Variants in RASA1 observed in about 807,000 individuals in gnomAD.
RASA1 encodes the protein RAS p21 protein activator 1, also known as ras GTPase-activating protein 1.
A neutral mutation model predicts 132.2 loss-of-function variants in RASA1; 25 were observed. The ratio of observed to expected loss-of-function variants is 0.19; its 90% CI spans 0.14 to 0.26. The LOEUF is 0.26. RASA1 is among the 10% of genes least tolerant of loss of function. The probability of loss-of-function intolerance (pLI) is 1.00; values close to 1 mark genes in which losing one functional copy is unlikely to be tolerated. For missense variants in RASA1, 964 were observed against 1,299.2 expected (o/e 0.74, Z 3.97); for synonymous variants, 477 against 449.9 (o/e 1.06, Z -0.76).
At position 87,372,158 on chromosome 5, in the gene RASA1, A is replaced by C. The variant is rs758628064; in HGVS notation, c.1739A>C (p.Lys580Thr). ...KGLQAFCNLRKSSPGTSNKRL... is the reference protein window; with the variant it reads ...KGLQAFCNLRTSSPGTSNKRL... ...CTGCAGGCATTTTGCAATTTACGGA[A>C]AAGTAGTCCAGGGACATCCAATAAA... The change falls in exon 13 of 25, where the codon AAA becomes ACA. Residue 580 changes from lysine to threonine, a missense_variant. Around this residue, in one of 6 missense-constraint regions of RASA1, gnomAD observed 346 missense variants for 520.1 expected, o/e 0.67. Coordinates refer to ENST00000274376, the MANE Select transcript of RASA1 (RefSeq NM_002890.3). 6.2e-7 allele frequency: 1 copy of C among 1,613,730 alleles called. No homozygotes were observed. Among genetic ancestry groups the C allele is most frequent in the Non-Finnish European group, 8.5e-7 (1 of 1,179,784 alleles).
At chr5:87,316,684 C>A (rs1459611514) in intron 1 of RASA1, among the ~76,000 whole-genome samples, 1 of 152,134 alleles carries the variant, frequency 6.6e-6, no homozygotes, top group Non-Finnish European at 1.5e-5. Context: ...CCTCAGCATC[C>A]CTGTTTTGGG....
intron 9 of RASA1, among the ~76,000 whole-genome samples, chr5:87,361,067 T>C (rs563465417): frequency 6.6e-6 from 1 of 152,296 alleles, no homozygotes; most frequent in Admixed American, 6.5e-5. Context: ...AGATTATTTA[T>C]TTCAGTTATA....
chr5:87,296,153 G>C (rs1471371704), intron 1 of RASA1, among the ~76,000 whole-genome samples: 1 of 150,348 alleles, frequency 6.7e-6, no homozygotes, highest in African/African-American at 2.4e-5. Context: ...TTAAGTGTTT[G>C]CCCTGGAGCT....
Position 87,268,319 on chromosome 5 carries a change from C to A in RASA1, c.-133C>A, listed in dbSNP as rs948330325. The A allele has an allele frequency of 1.8e-6, 2 of 1,129,848 alleles. No individual in the cohort carries two copies. Among genetic ancestry groups the A allele is most frequent in the Non-Finnish European group, 1.2e-6 (1 of 826,662 alleles). 70.0% of individuals were successfully genotyped at this position (1,129,848 alleles called of 1,614,324 possible). On this transcript the variant is annotated 5_prime_UTR_variant, in exon 1 of 25. Transcript: ENST00000274376. ...AGGGGGCGCGGCGGCGGGCTCTCTC[C>A]TTTTGTTGTTGTTTCCTCAGCCTGG...
At chr5:87,378,761 A>T (rs1761500231) in intron 18 of RASA1, among the ~76,000 whole-genome samples, 1 of 152,196 alleles carries the variant, frequency 6.6e-6, no homozygotes, top group South Asian at 2.1e-4. Flanking sequence ...GTTGCACCAG[A>T]AATTCATGAA....
intron 1 of RASA1, among the ~76,000 whole-genome samples, chr5:87,271,894 C>T (rs1163218176): frequency 2.0e-5 from 3 of 151,816 alleles, no homozygotes; most frequent in Admixed American, 6.6e-5. Flanking sequence ...TGCTTCACGC[C>T]TCTAATCCCA....
chr5:87,334,999 C>T (rs1034432364), intron 4 of RASA1, among the ~76,000 whole-genome samples: 5 of 152,014 alleles, frequency 3.3e-5, no homozygotes, highest in Admixed American at 2.0e-4. Context: ...TTCTTTGCCT[C>T]GGTCTTCTGA....
At chr5:87,339,738 G>T (rs1027114808) in intron 5 of RASA1, among the ~76,000 whole-genome samples, 1 of 152,116 alleles carries the variant, frequency 6.6e-6, no homozygotes, top group Non-Finnish European at 1.5e-5. Context: ...TGATGTGGTT[G>T]CTAAAAATGA....
chr5:87,277,489 C>T (rs778305135), intron 1 of RASA1, among the ~76,000 whole-genome samples: 6 of 152,104 alleles, frequency 3.9e-5, no homozygotes, highest in Admixed American at 1.3e-4. Flanking sequence ...AAGAAAAGGT[C>T]ATGTGAGGAC....
In RASA1 at chr5:87,322,585, C is replaced by G. The variant is rs529406821; in HGVS notation, c.540-8763C>G. Among the ~76,000 whole-genome samples, 5 of 152,208 alleles carry G rather than the reference C, an allele frequency of 3.3e-5. No homozygotes were observed. In the South Asian group the frequency reaches 1.0e-3, roughly 32 times the overall value. On this transcript the variant is annotated intron_variant, in intron 1 of 24. Coordinates refer to ENST00000274376, the MANE Select transcript of RASA1 (RefSeq NM_002890.3). ...TGGTCATGTGATGTGCTAGCTCTCC[C>G]TTTGCCTTCTGCCATGAGTAAAAGC...
intron 13 of RASA1, 31 bp from the exon 14 acceptor site, chr5:87,374,132 A>AT (rs1761145787): frequency 8.4e-7 from 1 of 1,192,950 alleles, no homozygotes; most frequent in African/African-American, 1.6e-5. Context: ...AATCTGGGGT[A>AT]ATATATATAT....
chr5:87,318,271 G>A (rs112941023), intron 1 of RASA1: 2 of 152,192 alleles, frequency 1.3e-5, no homozygotes, highest in African/African-American at 2.4e-5. Context: ...TGGCCTGTTA[G>A]AGGAGGAGTT....
intron 5 of RASA1, among the ~76,000 whole-genome samples, chr5:87,338,517 A>G (rs1251397203): frequency 3.0e-5 from 3 of 99,302 alleles, no homozygotes; most frequent in Admixed American, 1.0e-4. Flanking sequence ...ATATATATAT[A>G]TATATATATA....
intron 7 of RASA1, among the ~76,000 whole-genome samples, chr5:87,347,497 A>T (rs1298685881): frequency 6.6e-6 from 1 of 152,008 alleles, no homozygotes; most frequent in African/African-American, 2.4e-5. Context: ...ATGTAATTTA[A>T]AAGTTTCAGT....
At chr5:87,362,126 T>A (rs887330218) in intron 9 of RASA1, among the ~76,000 whole-genome samples, 1 of 152,226 alleles carries the variant, frequency 6.6e-6, no homozygotes, top group African/African-American at 2.4e-5. Flanking sequence ...TTGTCTGTAT[T>A]CACCTAGCAT....
chr5:87,336,697 G>T lies in RASA1; in HGVS notation c.900-1277G>T, dbSNP rs61528311. Among the ~76,000 whole-genome samples the T allele has an allele frequency of 1.0e-3, 156 of 152,014 alleles. 1 individual carries two copies. The East Asian group carries it at 0.027, about 26-fold the overall frequency. The stretch of plus-strand genomic sequence containing the variant: ...ATCTCTTATGGCTACTTTTAACTAA[G>T]AAATGAAATTTACCAGTTCATGTGC... On this transcript the variant is annotated intron_variant, in intron 4 of 24. Coordinates refer to ENST00000274376, the MANE Select transcript of RASA1 (RefSeq NM_002890.3).
intron 7 of RASA1, among the ~76,000 whole-genome samples, chr5:87,348,749 G>T (rs1317322835): frequency 6.6e-6 from 1 of 151,632 alleles, no homozygotes; most frequent in Non-Finnish European, 1.5e-5. Flanking sequence ...ATGTACCACT[G>T]TGCCTAGCAC....
intron 1 of RASA1, among the ~76,000 whole-genome samples, chr5:87,321,837 AC>A (rs1342216428): frequency 1.3e-5 from 2 of 152,088 alleles, no homozygotes; most frequent in Admixed American, 1.3e-4. Flanking sequence ...CCCCCATAGG[AC>A]CCTCTCTGAA....
intron 1 of RASA1, among the ~76,000 whole-genome samples, chr5:87,323,394 T>C (rs1349495476): frequency 6.6e-6 from 1 of 152,118 alleles, no homozygotes; most frequent in East Asian, 1.9e-4. Flanking sequence ...AATGGGCATA[T>C]TGTGGAGAAC....
Sources: allele counts gnomAD v4.1 joint callset (sites outside exome capture counted in the v4.1 genomes callset), GRCh38; gene constraint gnomAD v4.1.1; regional missense constraint gnomAD v4.1.1; transcripts MANE v1.5; gene names NCBI Gene and HGNC (gene_info 2026-07-23, HGNC 2026-07-21).